The following ARF5 variants were observed in gnomAD, a reference collection of about 807,000 sequenced individuals.
ARF5 encodes ARF GTPase 5.
In ARF5, 10 loss-of-function variants were observed where a neutral mutation model predicts 24.8. The observed-to-expected ratio is 0.40, with a 90% CI of 0.25 to 0.68. The LOEUF is 0.68. ARF5 is among the 30% of genes least tolerant of loss of function. ARF5 has a pLI of 0.36. For missense variants in ARF5, 135 were observed against 239.2 expected, an observed-to-expected ratio of 0.56 and a Z score of 2.87; for synonymous variants, 102 against 95.1, an observed-to-expected ratio of 1.07 and a Z score of -0.42.
chr7:127,588,517 G>T lies in ARF5; in HGVS notation c.19G>T (p.Ala7Ser). 1 of 1,467,034 alleles carries T rather than the reference G, an allele frequency of 6.8e-7. No homozygotes were observed. 90.9% of individuals were successfully genotyped at this position (1,467,034 alleles called of 1,614,324 possible). The change falls in exon 1 of 6, where the codon GCG (alanine) becomes TCG (serine). Residue 7 changes from alanine (A) to serine (S), a missense_variant. By Grantham distance (99) the Ala-to-Ser change is moderately conservative. Around this residue, in one of 3 missense-constraint regions of ARF5, gnomAD observed 25 missense variants for 30.6 expected, o/e 0.82. Transcript: ENST00000000233. ...CCCCGCCATGGGCCTCACCGTGTCC[G>T]CGCTCTTTTCGCGGATCTTCGGGAA... MGLTVS[A>S]LFSRIFGKKQ...
rs1342401798 is a variant in ARF5 at position 127,588,561 on chromosome 7, C to T, written c.63C>T (p.Leu21=). ...RIFGKKQMRI[L]MVGLDAAGKT... ...TCGGGAAGAAGCAGATGCGGATTCT[C>T]ATGGGTGAGGCAGATCGAGCGCGCG... Residue 21 remains leucine, a synonymous_variant, in exon 1 of 6, where the codon CTC becomes CTT. Transcript: ENST00000000233. 3 of 1,449,436 alleles carry T rather than the reference C, an allele frequency of 2.1e-6. No homozygotes were observed. Among genetic ancestry groups the T allele is most frequent in the Admixed American group, 2.3e-5 (1 of 42,990 alleles). The allele number at this position is 1,449,436 out of a possible 1,614,324, so 89.8% of individuals were successfully genotyped here.
At chr7:127,589,301 G>A (rs1432834610) in intron 2 of ARF5, 138 bp downstream of exon 2, 6 of 1,135,298 alleles carry the variant, frequency 5.3e-6, no homozygotes, top group Admixed American at 2.1e-5. Flanking sequence ...GTATCTCTAC[G>A]TGGATACCGG....
intron 1 of ARF5, 31 bp downstream of exon 1, chr7:127,588,596 G>A: frequency 1.5e-6 from 2 of 1,329,660 alleles, no homozygotes; most frequent in South Asian, 2.0e-5. Flanking sequence ...GGCCCGGACC[G>A]GGGCGCCGGC....
At position 127,588,531 on chromosome 7, in the gene ARF5, G is replaced by T; in HGVS notation, c.33G>T (p.Arg11=). Residue 11 remains arginine, a synonymous_variant, in exon 1 of 6, where the codon CGG becomes CGT. Coordinates refer to ENST00000000233, the MANE Select transcript of ARF5 (RefSeq NM_001662.4). ...TCACCGTGTCCGCGCTCTTTTCGCG[G>T]ATCTTCGGGAAGAAGCAGATGCGGA... MGLTVSALFS[R]IFGKKQMRIL... is the part of the protein sequence containing the mutation. 6.8e-7 allele frequency: 1 copy of T among 1,467,494 alleles called. No homozygotes were observed. Among genetic ancestry groups the T allele is most frequent in the Non-Finnish European group, 9.1e-7 (1 of 1,098,756 alleles). 90.9% of individuals were successfully genotyped at this position (1,467,494 alleles called of 1,614,324 possible). A position where few individuals can be genotyped will look rare whatever the true frequency, so the allele number is the denominator to read the frequency against.
intron 1 of ARF5, chr7:127,588,817 C>T (rs368632686): frequency 8.6e-6 from 5 of 578,150 alleles, no homozygotes; most frequent in South Asian, 6.8e-5. Context: ...AGGGAGGATT[C>T]CGCCCTTGGA....
chr7:127,590,839 T>C lies in ARF5; in HGVS notation c.331-124T>C, dbSNP rs573416957. The C allele has an allele frequency of 1.1e-4, 137 of 1,295,324 alleles. No individual in the cohort carries two copies. The African/African-American group carries it at 1.8e-3, about 17-fold the overall frequency. The allele number at this position is 1,295,324 out of a possible 1,614,324, so 80.2% of individuals were successfully genotyped here. On this transcript the variant is annotated intron_variant, in intron 4 of 5. Transcript: ENST00000000233. The stretch of plus-strand genomic sequence containing the variant: ...CAAGCTCATTTACAACTATGTCTTG[T>C]CTTCAACGGCAGACTGCACAATACT...
rs1794288539 is a variant in ARF5 at position 127,591,543 on chromosome 7, G to GC, written c.*249dup. ...CTATGGAAGGGGCTTCCTGGCCAAGGCCCCCTCTTCCAGAGGAGGAGCAGG... is the reference window on the plus strand; with the variant it reads ...CTATGGAAGGGGCTTCCTGGCCAAGGCCCCCCTCTTCCAGAGGAGGAGCAGG... On this transcript the variant is annotated 3_prime_UTR_variant, in exon 6 of 6. Coordinates refer to ENST00000000233, the MANE Select transcript of ARF5 (RefSeq NM_001662.4). The GC allele has an allele frequency of 8.5e-6, 4 of 473,040 alleles. No individual in the cohort carries two copies. The South Asian group carries it at 1.4e-4, about 17-fold the overall frequency. 29.3% of individuals were successfully genotyped at this position (473,040 alleles called of 1,614,324 possible).
chr7:127,591,295 G>A lies in ARF5; in HGVS notation c.539G>A (p.Arg180His), dbSNP rs760826467. 2.5e-6 allele frequency: 4 copies of A among 1,594,810 alleles called. No individual in the cohort carries two copies. The highest frequency in any genetic ancestry group is 1.4e-5 in the African/African-American group (1 of 73,812). The part of the protein sequence containing the change: ...LDWLSHELSK[R>H] Reference sequence around the variant, plus strand: ...TGGCTGTCCCACGAGCTGTCAAAGCGCTAACCAGCCAGGGGCAGGCCCCTG... The same window carrying A: ...TGGCTGTCCCACGAGCTGTCAAAGCACTAACCAGCCAGGGGCAGGCCCCTG... The change falls in exon 6 of 6, where the codon CGC (arginine) becomes CAC (histidine). Residue 180 changes from arginine to histidine, a missense_variant. By Grantham distance (29) the Arg-to-His change is conservative. Coordinates refer to ENST00000000233, the MANE Select transcript of ARF5 (RefSeq NM_001662.4).
chr7:127,591,183 G>A (rs762514943), intron 5 of ARF5, 30 bp from the exon 6 acceptor site: 4 of 1,606,964 alleles, frequency 2.5e-6, no homozygotes, highest in Admixed American at 3.5e-5. Context: ...GTTCCTGGTT[G>A]CTGACCTCTT....
chr7:127,588,711 G>T, intron 1 of ARF5, 146 bp downstream of exon 1: 2 of 857,058 alleles, frequency 2.3e-6, no homozygotes, highest in Non-Finnish European at 3.3e-6. Context: ...GCTCTCGGGC[G>T]GGTCCCGGTC....
intron 1 of ARF5, 74 bp downstream of exon 1, chr7:127,588,639 C>A: frequency 7.9e-7 from 1 of 1,262,208 alleles, no homozygotes. Flanking sequence ...CGCGTCCCTC[C>A]AGCCCCGCTC....
At chr7:127,590,919 G>T (rs759363102) in intron 4 of ARF5, 44 bp from the exon 5 acceptor site, 1 of 1,593,532 alleles carries the variant, frequency 6.3e-7, no homozygotes, top group African/African-American at 1.4e-5. Flanking sequence ...CAACACAGTA[G>T]AGGAGACGCA....
In ARF5 at chr7:127,588,492, C is replaced by G; in HGVS notation, c.-7C>G. 1 of 1,441,044 alleles carries G rather than the reference C, an allele frequency of 6.9e-7. No individual in the cohort carries two copies. Among genetic ancestry groups the G allele is most frequent in the Non-Finnish European group, 9.2e-7 (1 of 1,086,588 alleles). 89.3% of individuals were successfully genotyped at this position (1,441,044 alleles called of 1,614,324 possible). A position where few individuals can be genotyped will look rare whatever the true frequency, so the allele number is the denominator to read the frequency against. ...GTCGGTGCCCGCGCCCCTCCCCGGG[C>G]CCCGCCATGGGCCTCACCGTGTCCG... On this transcript the variant is annotated 5_prime_UTR_variant, in exon 1 of 6. Coordinates refer to ENST00000000233, the MANE Select transcript of ARF5 (RefSeq NM_001662.4).
intron 1 of ARF5, chr7:127,588,832 A>T: frequency 1.8e-6 from 1 of 568,770 alleles, no homozygotes; most frequent in Non-Finnish European, 3.0e-6. Context: ...CTTGGAGACG[A>T]CTTTTAAAAC....
At chr7:127,589,669 AG>A in intron 3 of ARF5, 75 bp downstream of exon 3, 1 of 1,260,388 alleles carries the variant, frequency 7.9e-7, no homozygotes, top group East Asian at 2.3e-5. Context: ...TTGTTGGCCT[AG>A]GCTGGGCCCC....
chr7:127,591,046 G>A lies in ARF5; in HGVS notation c.414G>A (p.Glu138=). The A allele has an allele frequency of 6.2e-7, 1 of 1,614,128 alleles. No homozygotes were observed. The highest frequency in any genetic ancestry group is 8.5e-7 in the Non-Finnish European group (1 of 1,180,024). The change falls in exon 5 of 6, where the codon GAG becomes GAA. Residue 138 remains glutamate (E), a synonymous_variant. Coordinates refer to ENST00000000233, the MANE Select transcript of ARF5 (RefSeq NM_001662.4). ...TGCCCAACGCCATGCCCGTGAGCGA[G>A]CTGACTGACAAGCTGGGGCTACAGC... ...QDMPNAMPVS[E]LTDKLGLQHL...
rs144884844 is a variant in ARF5, at chr7:127,589,908, C to T, written c.259-158C>T. 27 of 691,826 alleles carry T rather than the reference C, an allele frequency of 3.9e-5. No individual in the cohort carries two copies. The Middle Eastern group carries it at 7.4e-4, about 19-fold the overall frequency. 42.9% of individuals were successfully genotyped at this position (691,826 alleles called of 1,614,324 possible). On this transcript the variant is annotated intron_variant, in intron 3 of 5. Transcript: ENST00000000233. Reference sequence around the variant, plus strand: ...GGGGTCTCTAGTTTGTGCCATGACTCCTGTAGAGCTTCTATAGAGTTCTGT... The same window carrying T: ...GGGGTCTCTAGTTTGTGCCATGACTTCTGTAGAGCTTCTATAGAGTTCTGT...
At chr7:127,588,622 C>T (rs1056467814) in intron 1 of ARF5, 57 bp downstream of exon 1, 7 of 1,285,306 alleles carry the variant, frequency 5.4e-6, no homozygotes, top group Non-Finnish European at 7.0e-6. Flanking sequence ...CGCAGCCCTT[C>T]CGCCCCCGCG....
At position 127,591,631 on chromosome 7, in the gene ARF5, A is replaced by G. The variant is rs1451604174; in HGVS notation, c.*332A>G. The G allele has an allele frequency of 5.2e-5, 16 of 307,936 alleles. No individual in the cohort carries two copies. Among genetic ancestry groups the G allele is most frequent in the Non-Finnish European group, 8.5e-5 (14 of 165,594 alleles). The allele number at this position is 307,936 out of a possible 1,614,324, so 19.1% of individuals were successfully genotyped here. A position where few individuals can be genotyped will look rare whatever the true frequency, so the allele number is the denominator to read the frequency against. ...CTCTAGGGGCCAGGTTGGGAGGGGG[A>G]AGGTGAGGGCTTCGGGTGGTGCTAT... On this transcript the variant is annotated 3_prime_UTR_variant, in exon 6 of 6. Coordinates refer to ENST00000000233, the MANE Select transcript of ARF5 (RefSeq NM_001662.4).
Sources: allele counts gnomAD v4.1 joint callset, GRCh38; gene constraint gnomAD v4.1.1; regional missense constraint gnomAD v4.1.1; transcripts MANE v1.5; gene names NCBI Gene and HGNC (gene_info 2026-07-23, HGNC 2026-07-21).